Variants in TTC6 observed in about 807,000 individuals in gnomAD.
TTC6 encodes the protein tetratricopeptide repeat protein 6.
TTC6 carries 172 observed loss-of-function variants against 210.4 expected under a neutral mutation model. That is an observed-to-expected ratio of 0.82 (90% CI 0.72 to 0.93). TTC6 has a LOEUF of 0.93. Ranked by LOEUF, TTC6 falls within the 40% of genes least tolerant of loss-of-function variation. TTC6 has a pLI of 0.00. For missense variants in TTC6, 2,414 were observed against 2,318.1 expected (o/e 1.04, Z -0.85); for synonymous variants, 804 against 819.6 (o/e 0.98, Z 0.32).
chr14:37,747,590 A>G (rs2095939934), intron 10 of TTC6, among the ~76,000 whole-genome samples: 1 of 152,160 alleles, frequency 6.6e-6, no homozygotes, highest in East Asian at 1.9e-4. Context: ...AGGAAGCCAG[A>G]GGAATAAACA....
rs906408258 is a variant in TTC6 at position 37,606,649 on chromosome 14, A to T, written c.-234-14A>T. The T allele has an allele frequency of 2.8e-5, 25 of 896,076 alleles. No individual in the cohort carries two copies. Among genetic ancestry groups the T allele is most frequent in the African/African-American group, 5.4e-5 (3 of 55,242 alleles). The allele number at this position is 896,076 out of a possible 1,614,324, so 55.5% of individuals were successfully genotyped here. On this transcript the variant is annotated splice_polypyrimidine_tract_variant and intron_variant, in intron 1 of 2. Transcript: ENST00000556845. The stretch of plus-strand genomic sequence containing the variant: ...TAGTTCCCTTTAATCCCACCTTCAA[A>T]TTTTTTTCCCTAGGAAAACCCTTTC...
intron 2 of TTC6, 149 bp downstream of exon 4, chr14:37,680,410 A>C (rs2095780742): frequency 3.6e-6 from 2 of 557,632 alleles, no homozygotes. Context: ...TCGATACCAC[A>C]CTGGGAGTCT....
chr14:37,822,142 A>C (rs531390040), intron 26 of TTC6, among the ~76,000 whole-genome samples: 6 of 152,328 alleles, frequency 3.9e-5, no homozygotes, highest in African/African-American at 1.4e-4. Flanking sequence ...TGTTCTGCAG[A>C]ATAAAGTATC....
intron 13 of TTC6, 48 bp downstream of exon 15, chr14:37,751,273 G>T: frequency 7.4e-7 from 1 of 1,352,726 alleles, no homozygotes; most frequent in Non-Finnish European, 9.7e-7. Flanking sequence ...TTTAGATTGC[G>T]ATATCCTCAT....
At chr14:37,792,633 CCT>C (rs2096082632) in intron 17 of TTC6, among the ~76,000 whole-genome samples, 1 of 151,800 alleles carries the variant, frequency 6.6e-6, no homozygotes, top group African/African-American at 2.4e-5. Flanking sequence ...GAAAATAATA[CCT>C]TTTTTTTTCT....
chr14:37,787,325 T>G (rs2096070145), intron 14 of TTC6, 143 bp from the exon 17 acceptor site: 1 of 587,448 alleles, frequency 1.7e-6, no homozygotes, highest in African/African-American at 1.8e-5. Flanking sequence ...TTTTTGCTGT[T>G]AACATCATGA....
At chr14:37,767,501 G>A (rs1377437312) in intron 14 of TTC6, among the ~76,000 whole-genome samples, 1 of 152,184 alleles carries the variant, frequency 6.6e-6, no homozygotes, top group African/African-American at 2.4e-5. Context: ...TCTAACTGGT[G>A]TGAGATGGTA....
At chr14:37,828,059 T>G (rs1334168084) in intron 29 of TTC6, among the ~76,000 whole-genome samples, 1 of 151,932 alleles carries the variant, frequency 6.6e-6, no homozygotes, top group Non-Finnish European at 1.5e-5. Flanking sequence ...TAATTTATAC[T>G]TTTTCCAAAT....
intron 10 of TTC6, among the ~76,000 whole-genome samples, chr14:37,745,078 G>A (rs2095932028): frequency 6.6e-6 from 1 of 151,732 alleles, no homozygotes; most frequent in African/African-American, 2.4e-5. Context: ...ATGTGTGTGT[G>A]TATATATATA....
At chr14:37,734,478 C>T (rs1055927005) in intron 7 of TTC6, among the ~76,000 whole-genome samples, 2 of 152,174 alleles carry the variant, frequency 1.3e-5, no homozygotes, top group Non-Finnish European at 2.9e-5. Context: ...CTTGTCTTTT[C>T]TCAGATTTTG....
chr14:37,602,974 C>G (rs1009007080), intron 1 of TTC6, among the ~76,000 whole-genome samples: 1 of 152,154 alleles, frequency 6.6e-6, no homozygotes, highest in African/African-American at 2.4e-5. Flanking sequence ...CCCTACACCC[C>G]CGCCAAGAGA....
Position 37,795,346 on chromosome 14 carries a change from T to A in TTC6, c.3785T>A (p.Ile1262Lys), listed in dbSNP as rs182990470. 1.3e-4 allele frequency: 191 copies of A among 1,522,658 alleles called. 1 individual carries two copies. The East Asian group carries it at 4.2e-3, about 34-fold the overall frequency. The allele number at this position is 1,522,658 out of a possible 1,614,324, so 94.3% of individuals were successfully genotyped here. A position where few individuals can be genotyped will look rare whatever the true frequency, so the allele number is the denominator to read the frequency against. Reference sequence around the variant, plus strand: ...CAGCCAGATGGAATCCAATTATACATAAGAAGGTATGAGCATAGAAACTGA... The same window carrying A: ...CAGCCAGATGGAATCCAATTATACAAAAGAAGGTATGAGCATAGAAACTGA... Residue 1262 changes from isoleucine (I) to lysine (K), a missense_variant, in exon 18 of 31, where the codon ATA (isoleucine) becomes AAA (lysine). Coordinates refer to ENST00000553443, the Ensembl canonical transcript of TTC6.
intron 1 of TTC6, among the ~76,000 whole-genome samples, chr14:37,629,772 A>G (rs1291910057): frequency 2.6e-5 from 4 of 152,130 alleles, no homozygotes; most frequent in Admixed American, 6.5e-5. Flanking sequence ...TTATTTTGAG[A>G]TACGTCCCAT....
intron 10 of TTC6, among the ~76,000 whole-genome samples, chr14:37,740,162 C>CA (rs71127237): frequency 0.055 from 7,168 of 129,546 alleles, 644 homozygotes; most frequent in African/African-American, 0.19. Flanking sequence ...GACTCCGTCT[C>CA]AAAAAAAAAA....
chr14:37,747,731 G>T (rs1175291845), intron 10 of TTC6, among the ~76,000 whole-genome samples: 1 of 152,186 alleles, frequency 6.6e-6, no homozygotes, highest in Admixed American at 6.5e-5. Context: ...GAGCAAGATG[G>T]AGAAGGGTAG....
chr14:37,748,151 T>C (rs2095941503), intron 10 of TTC6, among the ~76,000 whole-genome samples: 2 of 152,214 alleles, frequency 1.3e-5, no homozygotes, highest in African/African-American at 4.8e-5. Flanking sequence ...GAAGAATAGA[T>C]GATGGTGGCT....
chr14:37,652,193 A>G (rs1301448030), intron 1 of TTC6, among the ~76,000 whole-genome samples: 1 of 152,232 alleles, frequency 6.6e-6, no homozygotes, highest in Non-Finnish European at 1.5e-5. Context: ...ACAGTAAACT[A>G]TTAGATTGAA....
At chr14:37,597,545 A>C (rs201357090) in intron 1 of TTC6, among the ~76,000 whole-genome samples, 1 of 11,554 alleles carries the variant, frequency 8.7e-5, no homozygotes, top group African/African-American at 5.2e-4. Flanking sequence ...TCATATTTTC[A>C]AAAAAAAAAA....
chr14:37,652,942 A>G lies in TTC6; in HGVS notation c.940-27209A>G, dbSNP rs185863074. Among the ~76,000 whole-genome samples the G allele has an allele frequency of 1.9e-3, 289 of 152,334 alleles. 1 individual carries two copies. The highest frequency in any genetic ancestry group is 2.9e-3 in the Non-Finnish European group (200 of 68,030). On this transcript the variant is annotated intron_variant, in intron 1 of 30. Coordinates refer to ENST00000553443, the Ensembl canonical transcript of TTC6. ...GTAGCTGCTTTTTCCTATACAGTTC[A>G]TGATTGCAAGGTTTATTTTTTTCAC...
Sources: gnomAD v4.1 joint callset for allele counts (sites outside exome capture counted in the v4.1 genomes callset) on GRCh38, gnomAD v4.1.1 for gene constraint, MANE v1.5 for transcripts, NCBI Gene and HGNC (gene_info 2026-07-23, HGNC 2026-07-21) for gene names.